Variants in PDE4B observed in about 807,000 individuals in gnomAD.
The protein encoded by PDE4B is 3',5'-cyclic-AMP phosphodiesterase 4B.
PDE4B carries 20 observed loss-of-function variants against 82.2 expected under a neutral mutation model. The observed-to-expected ratio is 0.24, with a 90% CI of 0.17 to 0.35. The LOEUF is 0.35. Among genes scored for constraint, PDE4B ranks in the 10% least tolerant of loss-of-function variants. PDE4B has a pLI of 1.00. For missense variants in PDE4B, 655 were observed against 907.2 expected (o/e 0.72, Z 3.57); for synonymous variants, 320 against 318.9 (o/e 1.00, Z -0.04).
intron 1 of PDE4B, among the ~76,000 whole-genome samples, chr1:65,881,965 C>T (rs1050828561): frequency 2.0e-5 from 3 of 152,084 alleles, no homozygotes; most frequent in Non-Finnish European, 4.4e-5. Context: ...AGAATTTGTT[C>T]TTCAACAATT....
At chr1:65,897,331 C>A (rs578118116) in intron 1 of PDE4B, among the ~76,000 whole-genome samples, 2 of 152,160 alleles carry the variant, frequency 1.3e-5, no homozygotes, top group South Asian at 4.1e-4. Flanking sequence ...TGCCTATCAT[C>A]AATCCTAGAA....
intron 3 of PDE4B, among the ~76,000 whole-genome samples, chr1:66,166,636 A>C (rs1355970463): frequency 2.6e-5 from 4 of 151,570 alleles, no homozygotes; most frequent in Non-Finnish European, 5.9e-5. Flanking sequence ...CAGGAGGCTG[A>C]GGCAGGAGAC....
intron 3 of PDE4B, among the ~76,000 whole-genome samples, chr1:66,238,346 G>A (rs139646518): frequency 2.6e-5 from 4 of 152,274 alleles, no homozygotes; most frequent in Admixed American, 2.6e-4. Flanking sequence ...GGATGAGGAT[G>A]GGGGGTGTGG....
intron 3 of PDE4B, among the ~76,000 whole-genome samples, chr1:65,988,519 A>T (rs947766524): frequency 1.3e-5 from 2 of 152,106 alleles, no homozygotes; most frequent in Non-Finnish European, 2.9e-5. Flanking sequence ...ATAGAGTCTA[A>T]TGGTTGTGTG....
chr1:65,830,433 T>C (rs1206755531), intron 1 of PDE4B, among the ~76,000 whole-genome samples: 1 of 152,130 alleles, frequency 6.6e-6, no homozygotes, highest in Admixed American at 6.6e-5. Context: ...AGTGGAGAAC[T>C]CTCATAAACA....
intron 1 of PDE4B, among the ~76,000 whole-genome samples, chr1:65,903,421 A>G (rs991885575): frequency 2.3e-5 from 1 of 42,664 alleles, no homozygotes; most frequent in African/African-American, 5.9e-5. Context: ...ACACACATGC[A>G]CACACACACA....
At chr1:66,341,059 C>T (rs1660945770) in intron 8 of PDE4B, among the ~76,000 whole-genome samples, 1 of 152,090 alleles carries the variant, frequency 6.6e-6, no homozygotes, top group Admixed American at 6.5e-5. Context: ...GAACTTTAAG[C>T]CTAGAAGAGA....
intron 3 of PDE4B, among the ~76,000 whole-genome samples, chr1:66,181,294 C>T (rs1441051197): frequency 3.3e-5 from 5 of 152,074 alleles, no homozygotes; most frequent in African/African-American, 1.2e-4. Flanking sequence ...AGATACCCAC[C>T]CTTGGGTAAA....
intron 3 of PDE4B, among the ~76,000 whole-genome samples, chr1:65,944,867 T>G (rs1648626115): frequency 6.6e-6 from 1 of 151,912 alleles, no homozygotes; most frequent in Non-Finnish European, 1.5e-5. Flanking sequence ...CCAGAGAACA[T>G]GATAAATATA....
At chr1:65,990,719 T>G (rs1038768307) in intron 3 of PDE4B, among the ~76,000 whole-genome samples, 9 of 152,110 alleles carry the variant, frequency 5.9e-5, no homozygotes, top group Admixed American at 5.2e-4. Flanking sequence ...AAACCTGGGT[T>G]TTAGTTTTAG....
chr1:65,959,488 G>A (rs960113569), intron 3 of PDE4B, among the ~76,000 whole-genome samples: 2 of 152,068 alleles, frequency 1.3e-5, no homozygotes, highest in Non-Finnish European at 2.9e-5. Context: ...ACACCACCAG[G>A]TCCATGTCAA....
intron 1 of PDE4B, among the ~76,000 whole-genome samples, chr1:65,828,189 G>A (rs565495790): frequency 3.3e-5 from 5 of 152,222 alleles, no homozygotes; most frequent in South Asian, 2.1e-4. Flanking sequence ...TCTACACAAC[G>A]AAATGAGGAA....
chr1:65,912,920 G>T (rs1230386102), intron 1 of PDE4B, among the ~76,000 whole-genome samples: 1 of 152,172 alleles, frequency 6.6e-6, no homozygotes, highest in Middle Eastern at 3.4e-3. Flanking sequence ...TATTTTATGG[G>T]AATATACTTT....
At chr1:65,813,051 T>G (rs925085179) in intron 1 of PDE4B, among the ~76,000 whole-genome samples, 4 of 152,012 alleles carry the variant, frequency 2.6e-5, no homozygotes, top group Non-Finnish European at 5.9e-5. Flanking sequence ...TGGAACGAGA[T>G]TGGGAACAGG....
chr1:66,031,921 C>G (rs1653798790), intron 3 of PDE4B, among the ~76,000 whole-genome samples: 1 of 152,194 alleles, frequency 6.6e-6, no homozygotes, highest in Admixed American at 6.5e-5. Context: ...TTTCCATCCT[C>G]TCCGGTGACC....
chr1:66,093,948 T>A (rs1341862054), intron 3 of PDE4B, among the ~76,000 whole-genome samples: 2 of 152,046 alleles, frequency 1.3e-5, no homozygotes, highest in Non-Finnish European at 2.9e-5. Flanking sequence ...TTATTGAACT[T>A]CTCCTATATG....
At chr1:65,847,977 T>G (rs1646285820) in intron 1 of PDE4B, among the ~76,000 whole-genome samples, 1 of 151,884 alleles carries the variant, frequency 6.6e-6, no homozygotes, top group African/African-American at 2.4e-5. Context: ...CTCAGCTTTA[T>G]CAGTACAATA....
intron 3 of PDE4B, among the ~76,000 whole-genome samples, chr1:66,157,899 A>AT (rs1265286294): frequency 6.6e-6 from 1 of 152,008 alleles, no homozygotes; most frequent in Non-Finnish European, 1.5e-5. Context: ...ATCTTTTCAT[A>AT]TTTTTTGATA....
At chr1:65,817,018 G>A (rs1645893408) in intron 1 of PDE4B, among the ~76,000 whole-genome samples, 1 of 152,160 alleles carries the variant, frequency 6.6e-6, no homozygotes, top group Non-Finnish European at 1.5e-5. Context: ...GCACAGAAAT[G>A]GTAATTTTTG....
Sources: gnomAD v4.1 joint callset for allele counts (sites outside exome capture counted in the v4.1 genomes callset) on GRCh38, gnomAD v4.1.1 for gene constraint, MANE v1.5 for transcripts, NCBI Gene and HGNC (gene_info 2026-07-23, HGNC 2026-07-21) for gene names.